The following TBC1D10A variants were observed in gnomAD, a reference collection of about 807,000 sequenced individuals.
TBC1D10A encodes the protein TBC1 domain family member 10A.
Under a neutral mutation model 52.9 loss-of-function variants are expected in TBC1D10A, and 24 were observed. That is an observed-to-expected ratio of 0.45 (90% CI 0.33 to 0.64). TBC1D10A has a LOEUF of 0.64. Among genes scored for constraint, TBC1D10A ranks in the 30% least tolerant of loss-of-function variants. TBC1D10A has a pLI of 0.02. For missense variants in TBC1D10A, 602 were observed against 687.9 expected (o/e 0.88, Z 1.40); for synonymous variants, 278 against 282.9 (o/e 0.98, Z 0.17).
At chr22:30,321,980 C>G (rs916927085) in intron 1 of TBC1D10A, among the ~76,000 whole-genome samples, 3 of 139,274 alleles carry the variant, frequency 2.2e-5, no homozygotes, top group African/African-American at 7.9e-5. Context: ...GGTCCTGGGC[C>G]TTTTTTTTTT....
At chr22:30,306,727 G>A (rs1426767046) in intron 1 of TBC1D10A, among the ~76,000 whole-genome samples, 1 of 152,160 alleles carries the variant, frequency 6.6e-6, no homozygotes, top group African/African-American at 2.4e-5. Context: ...CCATCTGAAT[G>A]GCTTTTCCTT....
Position 30,297,533 on chromosome 22 carries a change from A to C in TBC1D10A, c.418-1690T>G, listed in dbSNP as rs564546051. ...AGCTGCAGATCGAAAGGGCACCGGCAGACAAGCAGGTACCATGGTCATGGG... is the reference window on the plus strand; with the variant it reads ...AGCTGCAGATCGAAAGGGCACCGGCCGACAAGCAGGTACCATGGTCATGGG... On this transcript the variant is annotated intron_variant, in intron 3 of 8. Transcript: ENST00000215790. The surrounding 1 kb of genome is among the most constrained non-coding windows in gnomAD (Gnocchi z 4.3). 6.6e-6 allele frequency: 1 copy of C among 152,418 alleles called. No individual in the cohort carries two copies. The highest frequency in any genetic ancestry group is 1.9e-4 in the East Asian group (1 of 5,190). 9.4% of individuals were successfully genotyped at this position (152,418 alleles called of 1,614,324 possible).
rs761486397 is a variant in TBC1D10A at position 30,292,765 on chromosome 22, CA to C, written c.1136del (p.Leu379ArgfsTer36). ...GCAGCCTGGGCGGGGAGCGGCACTGCAGCTCACCCCGGGTCTCCTGCCAGCG... is the reference window on the plus strand; with the variant it reads ...GCAGCCTGGGCGGGGAGCGGCACTGCGCTCACCCCGGGTCTCCTGCCAGCG... ...LRRWQETRGE[L>X]QCRSPPRLHG... On this transcript the variant is annotated frameshift_variant, in exon 9 of 9. Coordinates refer to ENST00000215790, the MANE Select transcript of TBC1D10A (RefSeq NM_031937.3). LOFTEE classifies it low-confidence loss of function (END_TRUNC). The C allele has an allele frequency of 6.2e-7, 1 of 1,612,140 alleles. No individual in the cohort carries two copies. The highest frequency in any genetic ancestry group is 2.2e-5 in the East Asian group (1 of 44,874).
At chr22:30,321,818 A>G (rs1222392889) in intron 1 of TBC1D10A, among the ~76,000 whole-genome samples, 1 of 152,160 alleles carries the variant, frequency 6.6e-6, no homozygotes, top group Non-Finnish European at 1.5e-5. Flanking sequence ...GAGACCTGGT[A>G]TAAAACTTGT....
intron 1 of TBC1D10A, among the ~76,000 whole-genome samples, chr22:30,314,940 G>C (rs971374029): frequency 6.6e-6 from 1 of 152,190 alleles, no homozygotes; most frequent in Non-Finnish European, 1.5e-5. Context: ...GGAGGACAGA[G>C]GCCCCGGGCA....
At chr22:30,304,435 A>T in intron 2 of TBC1D10A, 96 bp downstream of exon 2, 1 of 1,566,000 alleles carries the variant, frequency 6.4e-7, no homozygotes, top group Non-Finnish European at 8.7e-7. Context: ...CAGTTATAGA[A>T]GCCTCTGCTT....
At chr22:30,325,783 G>A (rs1930756284) in intron 1 of TBC1D10A, among the ~76,000 whole-genome samples, 1 of 152,228 alleles carries the variant, frequency 6.6e-6, no homozygotes, top group Admixed American at 6.5e-5. Flanking sequence ...TATGAGCAGG[G>A]ACCCTGCTGT....
Position 30,292,750 on chromosome 22 carries a change from C to T in TBC1D10A, c.1152G>A (p.Pro384=), listed in dbSNP as rs1165901592. 12 of 1,611,356 alleles carry T rather than the reference C, an allele frequency of 7.4e-6. No homozygotes were observed. The highest frequency in any genetic ancestry group is 3.5e-4 in the Middle Eastern group (2 of 5,696). Residue 384 remains proline (P), a synonymous_variant, in exon 9 of 9, where the codon CCG becomes CCA. Coordinates refer to ENST00000215790, the MANE Select transcript of TBC1D10A (RefSeq NM_031937.3). ...TAGCCTTGGCACCATGCAGCCTGGG[C>T]GGGGAGCGGCACTGCAGCTCACCCC... ...ETRGELQCRS[P]PRLHGAKAIL... is the part of the protein sequence containing the mutation.
In TBC1D10A at chr22:30,292,589, T is replaced by C; in HGVS notation, c.1313A>G (p.Gln438Arg). The part of the protein sequence containing the change: ...PKQAQKEQRK[Q>R]MKGRGQLEKP... ...CTCCAGCTGCCCTCTCCCCTTCATC[T>C]GTTTCCGCTGCTCCTTCTGGGCCTG... is the stretch of plus-strand genomic sequence containing the variant. The change falls in exon 9 of 9, where the codon CAG (glutamine) becomes CGG (arginine). Residue 438 changes from glutamine (Q) to arginine (R), a missense_variant. Gln to Arg is a conservative substitution (Grantham distance 43). This residue lies in a region of TBC1D10A where 265 missense variants were observed against 275.1 expected (regional missense o/e 0.96). Transcript: ENST00000215790. 1 of 1,613,782 alleles carries C rather than the reference T, an allele frequency of 6.2e-7. No individual in the cohort carries two copies. The highest frequency in any genetic ancestry group is 2.2e-5 in the East Asian group (1 of 44,868).
chr22:30,318,039 C>T (rs1226148388), intron 1 of TBC1D10A, among the ~76,000 whole-genome samples: 2 of 152,222 alleles, frequency 1.3e-5, no homozygotes, highest in African/African-American at 4.8e-5. Flanking sequence ...CTTTCTCAAA[C>T]ACTAGCCTAA....
chr22:30,308,518 G>C (rs893095447), intron 1 of TBC1D10A, among the ~76,000 whole-genome samples: 1 of 152,178 alleles, frequency 6.6e-6, no homozygotes, highest in Non-Finnish European at 1.5e-5. Flanking sequence ...AATGCACTCT[G>C]ATATTTCCAG....
intron 1 of TBC1D10A, among the ~76,000 whole-genome samples, chr22:30,311,266 G>A (rs968306483): frequency 1.3e-5 from 2 of 152,212 alleles, no homozygotes; most frequent in Non-Finnish European, 2.9e-5. Flanking sequence ...TCAGGACTGG[G>A]AAACCTATGA....
chr22:30,295,941 C>G, intron 3 of TBC1D10A, 98 bp from the exon 4 acceptor site: 1 of 1,089,456 alleles, frequency 9.2e-7, no homozygotes, highest in Non-Finnish European at 1.3e-6. Flanking sequence ...GGCCCTCCAC[C>G]AGGGGCAGTG....
At chr22:30,321,458 C>G (rs973142530) in intron 1 of TBC1D10A, among the ~76,000 whole-genome samples, 1 of 152,222 alleles carries the variant, frequency 6.6e-6, no homozygotes, top group Admixed American at 6.5e-5. Flanking sequence ...TGACCCCACT[C>G]CAATAAAAAC....
chr22:30,326,660 C>T lies in TBC1D10A; in HGVS notation c.209+13G>A, dbSNP rs1930782630. On this transcript the variant is annotated intron_variant, in intron 1 of 8. Coordinates refer to ENST00000215790, the MANE Select transcript of TBC1D10A (RefSeq NM_031937.3). ...GGGTGGCGCGCTCAGTCCCGACCCC[C>T]GGCGCTACTCACGCGCCCTCGGCGC... 1.3e-6 allele frequency: 2 copies of T among 1,553,904 alleles called. No individual in the cohort carries two copies. Among genetic ancestry groups the T allele is most frequent in the Non-Finnish European group, 1.7e-6 (2 of 1,151,282 alleles).
intron 2 of TBC1D10A, chr22:30,299,753 G>A (rs1017821443): frequency 8.9e-6 from 4 of 449,068 alleles, no homozygotes; most frequent in African/African-American, 4.0e-5. Flanking sequence ...GATCACCTGA[G>A]TTCAGGAGTT....
At chr22:30,311,021 G>A (rs956452749) in intron 1 of TBC1D10A, among the ~76,000 whole-genome samples, 2 of 152,190 alleles carry the variant, frequency 1.3e-5, no homozygotes, top group African/African-American at 4.8e-5. Context: ...TGTGCAGGGG[G>A]AGCATGGCCA....
chr22:30,310,638 T>G lies in TBC1D10A; in HGVS notation c.210-6008A>C, dbSNP rs558389819. Among the ~76,000 whole-genome samples, 99 of 152,292 alleles carry G rather than the reference T, an allele frequency of 6.5e-4. 1 individual carries two copies. In the Middle Eastern group the frequency reaches 0.014, roughly 21 times the overall value. ...GTGAGGCAATTAAGAGCTGACACTT[T>G]CATGCGCTGGCCGTGTACTAGCTCT... On this transcript the variant is annotated intron_variant, in intron 1 of 8. Transcript: ENST00000215790.
chr22:30,323,125 G>A (rs906916275), intron 1 of TBC1D10A, among the ~76,000 whole-genome samples: 4 of 151,302 alleles, frequency 2.6e-5, no homozygotes, highest in Non-Finnish European at 4.4e-5. Flanking sequence ...GGCTGGTCTC[G>A]AATTCCTGAA....
Sources: allele counts gnomAD v4.1 joint callset (sites outside exome capture counted in the v4.1 genomes callset), GRCh38; gene constraint gnomAD v4.1.1; regional missense constraint gnomAD v4.1.1; non-coding constraint Gnocchi (gnomAD v3.1); transcripts MANE v1.5; gene names NCBI Gene and HGNC (gene_info 2026-07-23, HGNC 2026-07-21).